AKAP6: variants seen among roughly 807,000 people sequenced by gnomAD.
The protein encoded by AKAP6 is A-kinase anchoring protein 6, also known as A-kinase anchor protein 6.
Under a neutral mutation model 188.5 loss-of-function variants are expected in AKAP6, and 58 were observed. That is an observed-to-expected ratio of 0.31 (90% confidence interval 0.25 to 0.38). The LOEUF (loss-of-function observed/expected upper bound fraction) is 0.38. Ranked by LOEUF, AKAP6 falls within the 10% of genes least tolerant of loss-of-function variation. The probability of loss-of-function intolerance (pLI) is 1.00; values close to 1 mark genes in which losing one functional copy is unlikely to be tolerated. For missense variants in AKAP6, 2,710 were observed against 2,740.0 expected, an observed-to-expected ratio of 0.99 and a Z score of 0.24; for synonymous variants, 989 against 998.6, an observed-to-expected ratio of 0.99 and a Z score of 0.18.
chr14:32,358,564 G>C (rs1887556512), intron 1 of AKAP6, among the ~76,000 whole-genome samples: 2 of 152,130 alleles, frequency 1.3e-5, no homozygotes, highest in Non-Finnish European at 2.9e-5. Context: ...GCAGTTGACT[G>C]TAGGTGTATT....
chr14:32,467,222 C>CA (rs1223563625), intron 2 of AKAP6, among the ~76,000 whole-genome samples: 1 of 93,860 alleles, frequency 1.1e-5, no homozygotes, highest in African/African-American at 2.6e-5. Flanking sequence ...GAAAAAAAAA[C>CA]AAAAACAAAA....
At chr14:32,627,842 C>G (rs1348916249) in intron 7 of AKAP6, among the ~76,000 whole-genome samples, 1 of 151,026 alleles carries the variant, frequency 6.6e-6, no homozygotes, top group African/African-American at 2.4e-5. Context: ...ATTTTTTTTT[C>G]TTTTTTAGAG....
chr14:32,704,569 T>C (rs1228833169), intron 9 of AKAP6, among the ~76,000 whole-genome samples: 1 of 152,182 alleles, frequency 6.6e-6, no homozygotes, highest in African/African-American at 2.4e-5. Context: ...AAATTACTTA[T>C]CTTTAGTGGT....
chr14:32,574,877 CTT>C (rs1177478162), intron 4 of AKAP6, among the ~76,000 whole-genome samples: 4 of 152,136 alleles, frequency 2.6e-5, no homozygotes, highest in Non-Finnish European at 5.9e-5. Context: ...CAAAGGGTCT[CTT>C]AAGTTTTCAC....
At chr14:32,814,799 G>A (rs372087357) in intron 12 of AKAP6, among the ~76,000 whole-genome samples, 1 of 152,274 alleles carries the variant, frequency 6.6e-6, no homozygotes, top group East Asian at 1.9e-4. Context: ...TACAATCATA[G>A]CTCACTACAG....
At chr14:32,610,853 G>T (rs528327454) in intron 7 of AKAP6, among the ~76,000 whole-genome samples, 3 of 152,192 alleles carry the variant, frequency 2.0e-5, no homozygotes, top group Non-Finnish European at 4.4e-5. Flanking sequence ...CTTAGTGAAA[G>T]ATAGATACTG....
At chr14:32,683,284 G>A (rs1050868553) in intron 8 of AKAP6, among the ~76,000 whole-genome samples, 44 of 152,058 alleles carry the variant, frequency 2.9e-4, no homozygotes, top group Non-Finnish European at 4.6e-4. Flanking sequence ...GTGAGCCACC[G>A]CACCCAGCCC....
In AKAP6 at chr14:32,791,007, C is replaced by A. The variant is rs185593473; in HGVS notation, c.3588+17114C>A. Reference sequence around the variant, plus strand: ...TGTATATGTGCCACATTTTATTTATCCAGTCTATCATTGGTGGGCATTTGG... The same window carrying A: ...TGTATATGTGCCACATTTTATTTATACAGTCTATCATTGGTGGGCATTTGG... On this transcript the variant is annotated intron_variant, in intron 12 of 13. Coordinates refer to ENST00000280979, the MANE Select transcript of AKAP6 (RefSeq NM_004274.5). Among the ~76,000 whole-genome samples the A allele has an allele frequency of 1.8e-4, 27 of 152,246 alleles. No individual in the cohort carries two copies. The East Asian group carries it at 5.0e-3, about 28-fold the overall frequency.
chr14:32,620,496 G>T (rs900100591), intron 7 of AKAP6, among the ~76,000 whole-genome samples: 3 of 151,912 alleles, frequency 2.0e-5, no homozygotes, highest in Admixed American at 2.0e-4. Context: ...GAATCATCCT[G>T]TGTCCTCAGG....
intron 4 of AKAP6, among the ~76,000 whole-genome samples, chr14:32,574,789 T>G (rs1400726246): frequency 6.6e-6 from 1 of 152,202 alleles, no homozygotes; most frequent in African/African-American, 2.4e-5. Context: ...ATCTCCCATT[T>G]ATAAACCATC....
chr14:32,494,440 A>G (rs1335398636), intron 2 of AKAP6: 1 of 152,320 alleles, frequency 6.6e-6, no homozygotes, highest in East Asian at 1.9e-4. Flanking sequence ...TCTTTTCTGC[A>G]AAACAGTCAT....
At chr14:32,571,128 T>C (rs960472539) in intron 4 of AKAP6, among the ~76,000 whole-genome samples, 1 of 152,128 alleles carries the variant, frequency 6.6e-6, no homozygotes, top group Non-Finnish European at 1.5e-5. Context: ...TGGCACATAG[T>C]GAGTACCATC....
chr14:32,516,640 A>G (rs531673995), intron 2 of AKAP6, among the ~76,000 whole-genome samples: 2 of 152,328 alleles, frequency 1.3e-5, no homozygotes, highest in South Asian at 4.1e-4. Flanking sequence ...TAATTCTATT[A>G]CCACAAATTT....
At chr14:32,424,057 G>A (rs192395742) in intron 1 of AKAP6, among the ~76,000 whole-genome samples, 59 of 152,192 alleles carry the variant, frequency 3.9e-4, no homozygotes, top group African/African-American at 1.3e-3. Context: ...GTTACACTTT[G>A]TGTTAATAAA....
At chr14:32,610,389 C>T (rs1433094423) in intron 7 of AKAP6, among the ~76,000 whole-genome samples, 3 of 152,138 alleles carry the variant, frequency 2.0e-5, no homozygotes, top group Non-Finnish European at 4.4e-5. Flanking sequence ...TTGCTCATGG[C>T]TTTTCTCATT....
intron 11 of AKAP6, among the ~76,000 whole-genome samples, chr14:32,754,310 C>T (rs1457917426): frequency 6.6e-6 from 1 of 152,060 alleles, no homozygotes; most frequent in Non-Finnish European, 1.5e-5. Context: ...CCACCCTGCT[C>T]TCTTTTGGTT....
chr14:32,665,489 C>G (rs1015587364), intron 7 of AKAP6, among the ~76,000 whole-genome samples: 1 of 152,112 alleles, frequency 6.6e-6, no homozygotes, highest in Non-Finnish European at 1.5e-5. Flanking sequence ...CACAGGGCTC[C>G]CATGCCCTTC....
At chr14:32,612,378 A>G (rs71419918) in intron 7 of AKAP6, among the ~76,000 whole-genome samples, 15,311 of 152,172 alleles carry the variant, frequency 0.1, 1,073 homozygotes, top group Admixed American at 0.2. Context: ...TTTGATTATA[A>G]TAATATCATG....
At chr14:32,422,287 A>T (rs1278080910) in intron 1 of AKAP6, among the ~76,000 whole-genome samples, 1 of 152,202 alleles carries the variant, frequency 6.6e-6, no homozygotes, top group Non-Finnish European at 1.5e-5. Context: ...ACTTCAGACC[A>T]ACTGGCTATA....
Sources: allele counts gnomAD v4.1 joint callset (sites outside exome capture counted in the v4.1 genomes callset), GRCh38; gene constraint gnomAD v4.1.1; transcripts MANE v1.5; gene names NCBI Gene and HGNC (gene_info 2026-07-23, HGNC 2026-07-21).